Variants in NEDD9 observed in about 807,000 individuals in gnomAD.
NEDD9 encodes enhancer of filamentation 1.
NEDD9 carries 26 observed loss-of-function variants against 76.6 expected under a neutral mutation model. The ratio of observed to expected loss-of-function variants is 0.34; its 90% CI spans 0.25 to 0.47. The LOEUF (loss-of-function observed/expected upper bound fraction) is 0.47, where lower values mean the gene tolerates loss of function less well. Among genes scored for constraint, NEDD9 ranks in the 20% least tolerant of loss-of-function variants. NEDD9 has a pLI of 1.00. For missense variants in NEDD9, 937 were observed against 1,058.5 expected, an observed-to-expected ratio of 0.89 and a Z score of 1.59; for synonymous variants, 392 against 414.2, an observed-to-expected ratio of 0.95 and a Z score of 0.65.
At position 11,190,492 on chromosome 6, in the gene NEDD9, C is replaced by T. The variant is rs1345235441; in HGVS notation, c.1377G>A (p.Leu459=). Residue 459 remains leucine (L), a synonymous_variant, in exon 5 of 7, where the codon CTG becomes CTA. Coordinates refer to ENST00000379446, the MANE Select transcript of NEDD9 (RefSeq NM_006403.4). This position sits in a 1 kb window ranked among gnomAD's most constrained non-coding sequence, Gnocchi z 5.8. The stretch of plus-strand genomic sequence containing the variant: ...CCTTGACAAAGTGGAGGTACTCCTT[C>T]AGGAACAGCTCCACCTTGTCCACTG... ...RTAVDKVELF[L]KEYLHFVKGA... is the part of the protein sequence containing the mutation. 8.1e-6 allele frequency: 13 copies of T among 1,614,072 alleles called. No individual in the cohort carries two copies. Among genetic ancestry groups the T allele is most frequent in the African/African-American group, 1.3e-5 (1 of 74,930 alleles).
intron 2 of NEDD9, among the ~76,000 whole-genome samples, chr6:11,317,512 A>G (rs997469254): frequency 1.3e-5 from 2 of 152,128 alleles, no homozygotes; most frequent in Non-Finnish European, 2.9e-5. Context: ...AGAGGCCTGA[A>G]GGAGAGATTC....
At position 11,218,499 on chromosome 6, in the gene NEDD9, C is replaced by A. The variant is rs77337222; in HGVS notation, c.13-4772G>T. 4.6e-5 allele frequency among the ~76,000 whole-genome samples: 7 copies of A among 152,254 alleles called. No homozygotes were observed. In the East Asian group the frequency reaches 1.4e-3, roughly 29 times the overall value. ...TTCCCAGTTCTCGATCATACTATTT[C>A]TTTACAGTACAACTTGGATTGCCCT... On this transcript the variant is annotated intron_variant, in intron 1 of 6. Coordinates refer to ENST00000379446, the MANE Select transcript of NEDD9 (RefSeq NM_006403.4).
intron 1 of NEDD9, among the ~76,000 whole-genome samples, chr6:11,341,587 T>C (rs1473615421): frequency 6.6e-6 from 1 of 152,170 alleles, no homozygotes; most frequent in African/African-American, 2.4e-5. Context: ...ACATTTAGAT[T>C]AAAATTAAAA....
intron 3 of NEDD9, among the ~76,000 whole-genome samples, chr6:11,285,963 A>G (rs1760639530): frequency 1.3e-5 from 2 of 152,210 alleles, no homozygotes; most frequent in South Asian, 2.1e-4. Context: ...CACCAAAAGC[A>G]CAATCCATAA....
rs9394022 is a variant in NEDD9 at position 11,321,706 on chromosome 6, T to C, written c.-153+12795A>G. Among the ~76,000 whole-genome samples the C allele has an allele frequency of 3.1e-4, 48 of 152,388 alleles. 1 individual carries two copies. The East Asian group carries it at 9.2e-3, about 29-fold the overall frequency. ...GGAAAGTACATCAAACCAGGATGTG[T>C]TGTACCTCTTGCTTTGCCAGACTAT... On this transcript the variant is annotated intron_variant, in intron 2 of 3. Transcript: ENST00000397378.
At chr6:11,336,948 C>A (rs182533050) in intron 1 of NEDD9, among the ~76,000 whole-genome samples, 2 of 152,060 alleles carry the variant, frequency 1.3e-5, no homozygotes, top group Admixed American at 6.5e-5. Flanking sequence ...TGGCTGGGCG[C>A]GGTGGCTCAC....
At chr6:11,254,269 T>C (rs1017038460) in intron 3 of NEDD9, among the ~76,000 whole-genome samples, 3 of 152,002 alleles carry the variant, frequency 2.0e-5, no homozygotes, top group African/African-American at 7.2e-5. Flanking sequence ...TACAGGTGTG[T>C]GCCACCATGC....
At chr6:11,226,650 C>T (rs1003320946) in intron 1 of NEDD9, among the ~76,000 whole-genome samples, 10 of 152,148 alleles carry the variant, frequency 6.6e-5, no homozygotes, top group South Asian at 2.1e-4. Flanking sequence ...TTTGAATTGA[C>T]GACTTTCTCT....
intron 3 of NEDD9, among the ~76,000 whole-genome samples, chr6:11,266,431 T>G (rs1760203668): frequency 6.6e-6 from 1 of 152,028 alleles, no homozygotes; most frequent in African/African-American, 2.4e-5. Context: ...TGTCCCCAGG[T>G]GTTAATAGTG....
rs1362430912 is a variant in NEDD9, at chr6:11,198,192, T to C, written c.460-4500A>G. The C allele has an allele frequency of 1.3e-5, 2 of 152,214 alleles. No homozygotes were observed. The highest frequency in any genetic ancestry group is 4.8e-5 in the African/African-American group (2 of 41,466). The allele number at this position is 152,214 out of a possible 1,614,324, so 9.4% of individuals were successfully genotyped here. On this transcript the variant is annotated intron_variant, in intron 2 of 6. Transcript: ENST00000379446. The surrounding 1 kb of genome is among the most constrained non-coding windows in gnomAD (Gnocchi z 4.7). ...TGGAATTTTATGTGAAACCTGGTTT[T>C]CAAAATTGACTTAAATTTTAAAAAC...
chr6:11,237,481 G>A (rs1446500294), upstream of NEDD9, among the ~76,000 whole-genome samples: 1 of 152,194 alleles, frequency 6.6e-6, no homozygotes, highest in African/African-American at 2.4e-5. The surrounding 1 kb of genome is among the most constrained non-coding windows in gnomAD (Gnocchi z 4.9). Context: ...AATGGTGTTA[G>A]GATGCACCTT....
rs756047413 is a variant in NEDD9 at position 11,191,094 on chromosome 6, C to G, written c.775G>C (p.Gly259Arg). The change falls in exon 5 of 7, where the codon GGG becomes CGG. Residue 259 changes from glycine to arginine, a missense_variant. Coordinates refer to ENST00000379446, the MANE Select transcript of NEDD9 (RefSeq NM_006403.4). The part of the protein sequence containing the change: ...QAGRPDLRPE[G>R]VYDIPPTCTK... ...CAGGTTGGAGGAATGTCATAAACCCCCTCCGGTCTGAGGTCCGGCCTTCCA... is the reference window on the plus strand; with the variant it reads ...CAGGTTGGAGGAATGTCATAAACCCGCTCCGGTCTGAGGTCCGGCCTTCCA... 1 of 1,613,984 alleles carries G rather than the reference C, an allele frequency of 6.2e-7. No individual in the cohort carries two copies. The highest frequency in any genetic ancestry group is 1.1e-5 in the South Asian group (1 of 91,074).
chr6:11,361,575 T>A (rs1352874013), intron 1 of NEDD9, among the ~76,000 whole-genome samples: 1 of 151,974 alleles, frequency 6.6e-6, no homozygotes, highest in African/African-American at 2.4e-5. Context: ...TCCAAACACC[T>A]CCTACCAGGC....
At chr6:11,205,843 GT>G (rs1179009366) in intron 2 of NEDD9, among the ~76,000 whole-genome samples, 1 of 152,060 alleles carries the variant, frequency 6.6e-6, no homozygotes, top group Admixed American at 6.5e-5. Flanking sequence ...AGTCAGACTG[GT>G]TGCAAACTCC....
exon 3 of NEDD9, chr6:11,306,136 G>A: frequency 1.9e-6 from 2 of 1,059,954 alleles, no homozygotes; most frequent in Non-Finnish European, 2.9e-6. Flanking sequence ...TGACATTACG[G>A]ACCTCACAGC....
chr6:11,194,767 C>T (rs1321389982), intron 2 of NEDD9, among the ~76,000 whole-genome samples: 2 of 152,186 alleles, frequency 1.3e-5, no homozygotes, highest in African/African-American at 4.8e-5. Flanking sequence ...GAACCAGTGC[C>T]AATAAAATGA....
chr6:11,290,620 A>G (rs1461918661), intron 3 of NEDD9, among the ~76,000 whole-genome samples: 1 of 152,112 alleles, frequency 6.6e-6, no homozygotes, highest in Non-Finnish European at 1.5e-5. Flanking sequence ...TCCTGCGTAG[A>G]AGAGCAGGAA....
intron 1 of NEDD9, among the ~76,000 whole-genome samples, chr6:11,340,522 T>C (rs1173813617): frequency 2.0e-5 from 3 of 152,226 alleles, no homozygotes; most frequent in African/African-American, 4.8e-5. Flanking sequence ...ATAGGTATTC[T>C]TATTATTTCC....
chr6:11,193,391 C>T (rs1758210479), intron 3 of NEDD9, among the ~76,000 whole-genome samples, 200 bp downstream of exon 3: 1 of 151,748 alleles, frequency 6.6e-6, no homozygotes, highest in Non-Finnish European at 1.5e-5. Context: ...GGGTGAAATA[C>T]TAGGATTTCC....
Sources: gnomAD v4.1 joint callset for allele counts (sites outside exome capture counted in the v4.1 genomes callset) on GRCh38, gnomAD v4.1.1 for gene constraint, Gnocchi (gnomAD v3.1) non-coding constraint, MANE v1.5 for transcripts, NCBI Gene and HGNC (gene_info 2026-07-23, HGNC 2026-07-21) for gene names.